The following NRG1 variants were observed in gnomAD, a reference collection of about 807,000 sequenced individuals.
NRG1 encodes neuregulin 1, also known as pro-neuregulin-1, membrane-bound isoform.
NRG1 carries 18 observed loss-of-function variants against 63.8 expected under a neutral mutation model. The observed-to-expected ratio is 0.28, with a 90% CI of 0.19 to 0.42. NRG1 has a LOEUF of 0.42. NRG1 is among the 10% of genes least tolerant of loss of function. NRG1 has a pLI of 1.00. For synonymous variants in NRG1, 302 were observed against 301.3 expected, an observed-to-expected ratio of 1.00 and a Z score of -0.02; for missense variants, 762 against 814.7, an observed-to-expected ratio of 0.94 and a Z score of 0.79.
chr8:31,940,661 C>T (rs1353075147), intron 1 of NRG1, among the ~76,000 whole-genome samples: 1 of 151,838 alleles, frequency 6.6e-6, no homozygotes, highest in Non-Finnish European at 1.5e-5. Flanking sequence ...GTGAGATTAA[C>T]CAAGAAAAGA....
intron 1 of NRG1, among the ~76,000 whole-genome samples, chr8:32,025,650 A>T (rs1817141906): frequency 6.6e-6 from 1 of 151,742 alleles, no homozygotes; most frequent in South Asian, 2.1e-4. Context: ...AGCTCAATTG[A>T]CTCCCTCTCA....
chr8:32,343,777 G>A (rs898442261), intron 1 of NRG1, among the ~76,000 whole-genome samples: 2 of 152,216 alleles, frequency 1.3e-5, no homozygotes, highest in Non-Finnish European at 2.9e-5. Flanking sequence ...GCACCTCATT[G>A]TGGATACAGA....
At chr8:31,853,567 T>C (rs1482931435) in intron 1 of NRG1, among the ~76,000 whole-genome samples, 1 of 150,842 alleles carries the variant, frequency 6.6e-6, no homozygotes, top group Non-Finnish European at 1.5e-5. Context: ...ACAGGGACAA[T>C]TTGACTTCCT....
At chr8:31,961,781 C>T (rs1383925535) in intron 1 of NRG1, among the ~76,000 whole-genome samples, 2 of 152,104 alleles carry the variant, frequency 1.3e-5, no homozygotes, top group African/African-American at 2.4e-5. Context: ...ACAATTATAA[C>T]ATTATTTGCT....
At chr8:32,387,019 C>A (rs1811105942) in intron 1 of NRG1, among the ~76,000 whole-genome samples, 1 of 152,054 alleles carries the variant, frequency 6.6e-6, no homozygotes, top group South Asian at 2.1e-4. Context: ...AGGAATATGG[C>A]CTGAACAGTT....
intron 7 of NRG1, among the ~76,000 whole-genome samples, chr8:32,773,907 A>G (rs1339247865): frequency 6.6e-6 from 1 of 152,158 alleles, no homozygotes; most frequent in African/African-American, 2.4e-5. Flanking sequence ...ACACCACACC[A>G]GTGTTTATGA....
intron 1 of NRG1, among the ~76,000 whole-genome samples, chr8:31,947,306 C>CAAAAAAAAA (rs61713691): frequency 7.5e-5 from 10 of 132,714 alleles, no homozygotes; most frequent in African/African-American, 2.9e-4. Flanking sequence ...GACTCCGTCT[C>CAAAAAAAAA]AAAAAAAAAA....
chr8:31,733,600 T>G (rs1814339924), intron 1 of NRG1, among the ~76,000 whole-genome samples: 1 of 152,134 alleles, frequency 6.6e-6, no homozygotes, highest in South Asian at 2.1e-4. Flanking sequence ...GCAGCTCTTG[T>G]TCTCTTTCAT....
intron 1 of NRG1, among the ~76,000 whole-genome samples, chr8:32,146,695 C>T (rs993284706): frequency 2.9e-4 from 44 of 151,878 alleles, no homozygotes; most frequent in African/African-American, 1.1e-3. Flanking sequence ...ACAACATGTT[C>T]AAGCTTTATA....
chr8:32,224,806 G>C lies in NRG1; in HGVS notation c.38-371022G>C, dbSNP rs1009518133. Among the ~76,000 whole-genome samples, 5 of 152,138 alleles carry C rather than the reference G, an allele frequency of 3.3e-5. No individual in the cohort carries two copies. The East Asian group carries it at 7.7e-4, about 23-fold the overall frequency. ...ATTCTGACATGGACATTTGCTATCT[G>C]CCTGATCTTCTGCAATATTCTAAAC... On this transcript the variant is annotated intron_variant, in intron 1 of 10. Transcript: ENST00000519301.
At chr8:32,055,832 A>G (rs1400261719) in intron 1 of NRG1, among the ~76,000 whole-genome samples, 3 of 152,140 alleles carry the variant, frequency 2.0e-5, no homozygotes, top group Non-Finnish European at 4.4e-5. Flanking sequence ...TTCCTTGGTG[A>G]TATGATACTG....
In NRG1 at chr8:31,640,411, T is replaced by G. The variant is rs1342140534; in HGVS notation, c.37+980T>G. ...CGCCGCCAACGGGACCGTGCCCTCT[T>G]GGCCCACCGCCCCGGTGCCCAGCGC... is the stretch of plus-strand genomic sequence containing the variant. On this transcript the variant is annotated intron_variant, in intron 1 of 10. Coordinates refer to the NRG1 transcript ENST00000519301. The surrounding 1 kb of genome is among the most constrained non-coding windows in gnomAD (Gnocchi z 6.3). The G allele has an allele frequency of 1.3e-6, 2 of 1,485,332 alleles. No individual in the cohort carries two copies. The allele number at this position is 1,485,332 out of a possible 1,614,324, so 92.0% of individuals were successfully genotyped here. A position where few individuals can be genotyped will look rare whatever the true frequency, so the allele number is the denominator to read the frequency against.
intron 1 of NRG1, among the ~76,000 whole-genome samples, chr8:31,963,384 T>C (rs1200564643): frequency 6.6e-6 from 1 of 152,238 alleles, no homozygotes; most frequent in Non-Finnish European, 1.5e-5. Flanking sequence ...GATTTTTGGA[T>C]ACATCAGTGT....
At chr8:31,928,421 C>G (rs148008105) in intron 1 of NRG1, among the ~76,000 whole-genome samples, 1,526 of 145,146 alleles carry the variant, frequency 0.011, 28 homozygotes, top group African/African-American at 0.037. Context: ...AGTACAATCT[C>G]TATGGAAAAC....
chr8:32,294,235 C>A (rs969460914), intron 1 of NRG1, among the ~76,000 whole-genome samples: 1 of 152,142 alleles, frequency 6.6e-6, no homozygotes. Flanking sequence ...GTGTCCGAAA[C>A]AATGGGTTTT....
chr8:32,642,086 T>C (rs566808036), intron 5 of NRG1, among the ~76,000 whole-genome samples: 1 of 152,256 alleles, frequency 6.6e-6, no homozygotes, highest in South Asian at 2.1e-4. Flanking sequence ...TTTGGAACAA[T>C]CAGAGAAAAT....
At chr8:31,860,264 G>A (rs1037738272) in intron 1 of NRG1, among the ~76,000 whole-genome samples, 3 of 152,086 alleles carry the variant, frequency 2.0e-5, no homozygotes, top group Admixed American at 1.3e-4. Context: ...AATGTCAGGG[G>A]CCAAGTTCAA....
At chr8:32,534,200 C>T (rs1420986474) in intron 1 of NRG1, among the ~76,000 whole-genome samples, 1 of 152,066 alleles carries the variant, frequency 6.6e-6, no homozygotes, top group African/African-American at 2.4e-5. Context: ...GGATCTAAAA[C>T]ATTTAGGACA....
intron 1 of NRG1, among the ~76,000 whole-genome samples, chr8:31,738,767 A>G (rs1193166814): frequency 6.6e-6 from 1 of 151,990 alleles, no homozygotes; most frequent in Non-Finnish European, 1.5e-5. Context: ...TTGTAGCTGC[A>G]ATGCTTCAGT....
Sources: allele counts gnomAD v4.1 joint callset (sites outside exome capture counted in the v4.1 genomes callset), GRCh38; gene constraint gnomAD v4.1.1; non-coding constraint Gnocchi (gnomAD v3.1); transcripts MANE v1.5; gene names NCBI Gene and HGNC (gene_info 2026-07-23, HGNC 2026-07-21).